Variants in PRICKLE1 observed in about 807,000 individuals in gnomAD.
PRICKLE1 encodes the protein prickle planar cell polarity protein 1, also known as prickle-like protein 1.
PRICKLE1 carries 14 observed loss-of-function variants against 70.2 expected under a neutral mutation model. The ratio of observed to expected loss-of-function variants is 0.20; its 90% CI spans 0.13 to 0.31. The LOEUF (loss-of-function observed/expected upper bound fraction) is 0.31, where lower values mean the gene tolerates loss of function less well. Among genes scored for constraint, PRICKLE1 ranks in the 10% least tolerant of loss-of-function variants. The pLI, the probability that PRICKLE1 is intolerant of heterozygous loss-of-function variation, is 1.00. For synonymous variants in PRICKLE1, 357 were observed against 379.9 expected (o/e 0.94, Z 0.70); for missense variants, 821 against 1,026.2 (o/e 0.80, Z 2.73).
intron 1 of PRICKLE1, among the ~76,000 whole-genome samples, chr12:42,533,871 A>C (rs559630744): frequency 3.5e-4 from 53 of 152,006 alleles, no homozygotes; most frequent in African/African-American, 1.3e-3. Flanking sequence ...CCACACAAAA[A>C]CGCCCCTAAC....
chr12:42,474,100 C>T (rs1457955526), intron 1 of PRICKLE1, among the ~76,000 whole-genome samples: 1 of 152,000 alleles, frequency 6.6e-6, no homozygotes, highest in Non-Finnish European at 1.5e-5. Flanking sequence ...GGTGAAACCC[C>T]GTCTCTACTA....
At chr12:42,512,536 T>C (rs1939533280) in intron 1 of PRICKLE1, among the ~76,000 whole-genome samples, 1 of 152,174 alleles carries the variant, frequency 6.6e-6, no homozygotes, top group African/African-American at 2.4e-5. Context: ...CTATTATGTG[T>C]CTACCTTATT....
intron 1 of PRICKLE1, among the ~76,000 whole-genome samples, chr12:42,473,339 C>A (rs754529801): frequency 6.6e-6 from 1 of 152,186 alleles, no homozygotes; most frequent in Non-Finnish European, 1.5e-5. Flanking sequence ...AAAAGTTATG[C>A]AGTCAGTGCC....
At chr12:42,545,523 T>C (rs1193360507) in intron 1 of PRICKLE1, among the ~76,000 whole-genome samples, 4 of 152,264 alleles carry the variant, frequency 2.6e-5, no homozygotes, top group African/African-American at 9.6e-5. Context: ...TGTTTTAGTA[T>C]GTTCTTGGAA....
At position 42,574,209 on chromosome 12, in the gene PRICKLE1, C is replaced by T. The variant is rs193161800; in HGVS notation, c.-49+15256G>A. On this transcript the variant is annotated intron_variant, in intron 1 of 7. Transcript: ENST00000345127. ...TACTAAAAGCTTATTCATTATTTAC[C>T]TGAAATTCAAATTTAACTAGGTATC... Among the ~76,000 whole-genome samples, 482 of 152,244 alleles carry T rather than the reference C, an allele frequency of 3.2e-3. 8 individuals are homozygous for T. The highest frequency in any genetic ancestry group is 5.5e-3 in the Non-Finnish European group (375 of 68,018).
intron 1 of PRICKLE1, among the ~76,000 whole-genome samples, chr12:42,513,120 C>T (rs146697648): frequency 0.029 from 4,474 of 152,108 alleles, 207 homozygotes; most frequent in African/African-American, 0.099. Context: ...TGCCACCATG[C>T]CTGGCTAATT....
chr12:42,495,593 T>A (rs867781300), intron 1 of PRICKLE1, among the ~76,000 whole-genome samples: 31 of 151,904 alleles, frequency 2.0e-4, no homozygotes, highest in Non-Finnish European at 3.5e-4. Context: ...GAAGTTTCTT[T>A]TTTTTTTTTC....
intron 6 of PRICKLE1, 142 bp from the exon 7 acceptor site, chr12:42,465,400 T>A (rs1325148942): frequency 2.6e-6 from 2 of 755,498 alleles, no homozygotes; most frequent in African/African-American, 3.5e-5. Context: ...ATCCTCATTC[T>A]TTGTGGATTC....
intron 1 of PRICKLE1, among the ~76,000 whole-genome samples, chr12:42,500,641 A>C (rs1036797526): frequency 6.6e-6 from 1 of 151,828 alleles, no homozygotes; most frequent in South Asian, 2.1e-4. Flanking sequence ...TCATAGCACT[A>C]TAATACATTT....
chr12:42,475,465 G>C (rs913143386), intron 1 of PRICKLE1, among the ~76,000 whole-genome samples: 2 of 152,148 alleles, frequency 1.3e-5, no homozygotes, highest in East Asian at 1.9e-4. Flanking sequence ...TCTTAGGACC[G>C]GTCTTGGCTG....
At chr12:42,477,384 AAAC>A (rs1415079277) in intron 1 of PRICKLE1, among the ~76,000 whole-genome samples, 4 of 92,358 alleles carry the variant, frequency 4.3e-5, no homozygotes, top group Admixed American at 3.7e-4. Flanking sequence ...AAACAAAACA[AAAC>A]AAAATATATA....
intron 1 of PRICKLE1, among the ~76,000 whole-genome samples, chr12:42,532,264 T>C (rs889709514): frequency 1.7e-4 from 26 of 152,308 alleles, no homozygotes; most frequent in South Asian, 4.1e-4. Flanking sequence ...GTAAAAAACA[T>C]CTCTATGTAC....
At chr12:42,543,528 G>GT (rs1940153168) in intron 1 of PRICKLE1, among the ~76,000 whole-genome samples, 1 of 151,830 alleles carries the variant, frequency 6.6e-6, no homozygotes, top group Non-Finnish European at 1.5e-5. Context: ...CTCAAAACTT[G>GT]TTTTTTTCTT....
At position 42,464,434 on chromosome 12, in the gene PRICKLE1, G is replaced by C. The variant is rs936545109; in HGVS notation, c.1600C>G (p.Arg534Gly). 3 of 1,613,784 alleles carry C rather than the reference G, an allele frequency of 1.9e-6. No individual in the cohort carries two copies. The highest frequency in any genetic ancestry group is 1.1e-5 in the South Asian group (1 of 91,064). Residue 534 changes from arginine to glycine, a missense_variant, in exon 7 of 8, where the codon CGG (arginine) becomes GGG (glycine). Physicochemically the swap from Arg to Gly is moderately radical, Grantham distance 125. Coordinates refer to ENST00000345127, the MANE Select transcript of PRICKLE1 (RefSeq NM_153026.3). The surrounding 1 kb of genome is among the most constrained non-coding windows in gnomAD (Gnocchi z 4.2). ...AATGCCAAAGAATCCATCGAATCCC[G>C]AACACTTTGCTCTGGTTTCAGGTCT... ...LSDLKPEQSV[R>G]DSMDSLALSN...
At chr12:42,467,107 T>C (rs942174323) in intron 5 of PRICKLE1, among the ~76,000 whole-genome samples, 25 of 151,878 alleles carry the variant, frequency 1.6e-4, no homozygotes, top group Non-Finnish European at 3.2e-4. Context: ...GTTCTTTTTT[T>C]ATTTTTATTT....
At chr12:42,579,166 T>C (rs1940856372) in intron 1 of PRICKLE1, among the ~76,000 whole-genome samples, 1 of 152,128 alleles carries the variant, frequency 6.6e-6, no homozygotes, top group Non-Finnish European at 1.5e-5. Flanking sequence ...AACAGTGCTA[T>C]GAAAAAAGGT....
intron 6 of PRICKLE1, 165 bp from the exon 7 acceptor site, chr12:42,465,423 T>G: frequency 1.5e-6 from 1 of 659,644 alleles, no homozygotes; most frequent in Non-Finnish European, 2.5e-6. Flanking sequence ...TATTTGTGAG[T>G]GTGCCTACTC....
At position 42,464,488 on chromosome 12, in the gene PRICKLE1, A is replaced by G; in HGVS notation, c.1546T>C (p.Trp516Arg). 6.2e-7 allele frequency: 1 copy of G among 1,613,922 alleles called. No individual in the cohort carries two copies. The highest frequency in any genetic ancestry group is 8.5e-7 in the Non-Finnish European group (1 of 1,180,006). Residue 516 changes from tryptophan to arginine, a missense_variant, in exon 7 of 8, where the codon TGG becomes CGG. Trp to Arg is a moderately radical substitution (Grantham distance 101). Transcript: ENST00000345127. The surrounding 1 kb of genome is among the most constrained non-coding windows in gnomAD (Gnocchi z 4.2). ...ASGYNHDETQ[W>R]YEDSLECLSD... ...AGACACTCCAGGGAATCTTCATACCACTGTGTTTCATCATGATTATACCCT... is the reference window on the plus strand; with the variant it reads ...AGACACTCCAGGGAATCTTCATACCGCTGTGTTTCATCATGATTATACCCT...
chr12:42,560,735 C>T (rs1379741489), intron 1 of PRICKLE1, among the ~76,000 whole-genome samples: 1 of 150,344 alleles, frequency 6.7e-6, no homozygotes, highest in Non-Finnish European at 1.5e-5. Context: ...AAAAAATCAT[C>T]CCTTAAGCTT....
Sources: gnomAD v4.1 joint callset for allele counts (sites outside exome capture counted in the v4.1 genomes callset) on GRCh38, gnomAD v4.1.1 for gene constraint, Gnocchi (gnomAD v3.1) non-coding constraint, MANE v1.5 for transcripts, NCBI Gene and HGNC (gene_info 2026-07-23, HGNC 2026-07-21) for gene names.